CRYL1: variants seen among roughly 807,000 people sequenced by gnomAD.
CRYL1 encodes crystallin lambda 1, also known as lambda-crystallin homolog.
A neutral mutation model predicts 36.6 loss-of-function variants in CRYL1; 29 were observed. That is an observed-to-expected ratio of 0.79 (90% CI 0.59 to 1.08). The LOEUF (loss-of-function observed/expected upper bound fraction) is 1.08, where lower values mean the gene tolerates loss of function less well. Among genes scored for constraint, CRYL1 ranks in the 50% least tolerant of loss-of-function variants. CRYL1 has a pLI of 0.00. For synonymous variants in CRYL1, 152 were observed against 151.5 expected (o/e 1.00, Z -0.02); for missense variants, 411 against 407.9 (o/e 1.01, Z -0.06).
intron 3 of CRYL1, among the ~76,000 whole-genome samples, chr13:20,471,143 G>A (rs1442388185): frequency 3.9e-5 from 6 of 152,122 alleles, no homozygotes; most frequent in South Asian, 2.1e-4. Flanking sequence ...GTGTGTTAGC[G>A]TAAATTCACG....
intron 3 of CRYL1, among the ~76,000 whole-genome samples, chr13:20,467,415 G>A (rs895120676): frequency 4.0e-4 from 61 of 152,156 alleles, no homozygotes; most frequent in Non-Finnish European, 6.9e-4. Flanking sequence ...ACCTGTACTT[G>A]TGAATTTTTT....
chr13:20,421,579 A>C (rs146290593), intron 5 of CRYL1, among the ~76,000 whole-genome samples: 22 of 152,208 alleles, frequency 1.4e-4, no homozygotes, highest in Admixed American at 5.9e-4. Flanking sequence ...AGAGGGATGC[A>C]GTGTCATTTG....
intron 1 of CRYL1, among the ~76,000 whole-genome samples, chr13:20,524,831 A>G (rs551232880): frequency 6.6e-6 from 1 of 152,056 alleles, no homozygotes; most frequent in South Asian, 2.1e-4. Context: ...ACACCCTGAC[A>G]TTGGAAGTGG....
At chr13:20,419,711 C>T (rs191945666) in intron 5 of CRYL1, among the ~76,000 whole-genome samples, 2 of 152,276 alleles carry the variant, frequency 1.3e-5, no homozygotes, top group African/African-American at 2.4e-5. Context: ...CCACATCCGG[C>T]CTAGATTAAG....
intron 3 of CRYL1, among the ~76,000 whole-genome samples, chr13:20,472,654 G>A (rs941492284): frequency 8.5e-5 from 13 of 152,232 alleles, no homozygotes; most frequent in African/African-American, 3.1e-4. Context: ...AAAAAGATGG[G>A]ATTCTGATAG....
chr13:20,428,544 G>A (rs925753166), intron 5 of CRYL1, among the ~76,000 whole-genome samples: 5 of 152,282 alleles, frequency 3.3e-5, no homozygotes, highest in East Asian at 3.9e-4. Context: ...GGATTATTCC[G>A]AGTATGTGAG....
At chr13:20,512,304 C>T (rs1045206000) in intron 2 of CRYL1, 139 bp downstream of exon 2, 4 of 608,372 alleles carry the variant, frequency 6.6e-6, no homozygotes, top group Non-Finnish European at 1.2e-5. Flanking sequence ...TGGCCTTTAC[C>T]AACTCAGAGG....
intron 2 of CRYL1, among the ~76,000 whole-genome samples, chr13:20,511,251 G>T (rs73447912): frequency 0.022 from 3,311 of 151,892 alleles, 111 homozygotes; most frequent in African/African-American, 0.076. Context: ...CAACACATTG[G>T]CTATTTTTTT....
intron 2 of CRYL1, among the ~76,000 whole-genome samples, chr13:20,507,583 A>G (rs2033816159): frequency 6.6e-6 from 1 of 152,162 alleles, no homozygotes; most frequent in Admixed American, 6.5e-5. Context: ...CTCAGCTCCA[A>G]ACCTACCTGT....
intron 5 of CRYL1, chr13:20,430,124 C>A (rs1453251120): frequency 2.2e-6 from 2 of 890,832 alleles, no homozygotes; most frequent in African/African-American, 1.8e-5. Context: ...CCCACCCCTG[C>A]CAGGAGAGGA....
At chr13:20,464,275 T>A (rs373755792) in intron 3 of CRYL1, among the ~76,000 whole-genome samples, 21 of 152,114 alleles carry the variant, frequency 1.4e-4, no homozygotes, top group East Asian at 7.7e-4. Context: ...GTGCCTGTAG[T>A]CCCAGCTACT....
chr13:20,430,204 C>A, intron 5 of CRYL1: 1 of 984,762 alleles, frequency 1.0e-6, no homozygotes, highest in Non-Finnish European at 1.2e-6. Context: ...AACAAATTAT[C>A]TTCTAGACTT....
At chr13:20,471,877 T>C (rs1334775143) in intron 3 of CRYL1, among the ~76,000 whole-genome samples, 1 of 151,764 alleles carries the variant, frequency 6.6e-6, no homozygotes, top group African/African-American at 2.4e-5. Flanking sequence ...TTTTGAGACG[T>C]AGTCTCACTC....
intron 3 of CRYL1, among the ~76,000 whole-genome samples, chr13:20,459,175 G>A (rs558384304): frequency 6.9e-6 from 1 of 143,932 alleles, no homozygotes; most frequent in South Asian, 2.2e-4. Flanking sequence ...GGCGGAGCTT[G>A]CAGTAAGCCG....
chr13:20,404,022 A>G lies in CRYL1; in HGVS notation c.*107T>C, dbSNP rs1399821746. The G allele has an allele frequency of 1.3e-6, 1 of 757,290 alleles. No individual in the cohort carries two copies. Among genetic ancestry groups the G allele is most frequent in the African/African-American group, 1.7e-5 (1 of 57,708 alleles). The allele number at this position is 757,290 out of a possible 1,614,324, so 46.9% of individuals were successfully genotyped here. A position where few individuals can be genotyped will look rare whatever the true frequency, so the allele number is the denominator to read the frequency against. On this transcript the variant is annotated 3_prime_UTR_variant, in exon 8 of 8. Transcript: ENST00000298248. ...AGGCTGCACACAAGACAGCCAGCTTAGGATCTCCGTGGGCTGCTACCTATG... is the reference window on the plus strand; with the variant it reads ...AGGCTGCACACAAGACAGCCAGCTTGGGATCTCCGTGGGCTGCTACCTATG...
In CRYL1 at chr13:20,404,170, T is replaced by C; in HGVS notation, c.919A>G (p.Met307Val). ...TGACTCTTCAACTTGGCGAGTCTCA[T>C]GAGGCACTCGTCCCTCCACTGCCTC... ...ARRQWRDECL[M>V]RLAKLKSQVQ... Residue 307 changes from methionine to valine, a missense_variant, in exon 8 of 8, where the codon ATG becomes GTG. Transcript: ENST00000298248. 1 of 1,614,040 alleles carries C rather than the reference T, an allele frequency of 6.2e-7. No homozygotes were observed. Among genetic ancestry groups the C allele is most frequent in the African/African-American group, 1.3e-5 (1 of 75,022 alleles).
chr13:20,435,384 A>T lies in CRYL1; in HGVS notation c.439-3088T>A, dbSNP rs1334603005. ...ACTGGGCCCCACGCAGCCCCCCAAA[A>T]CAGACTTCCATTCACACCGACTTCC... On this transcript the variant is annotated intron_variant, in intron 4 of 7. Transcript: ENST00000298248. This position sits in a 1 kb window ranked among gnomAD's most constrained non-coding sequence, Gnocchi z 4.0. Among the ~76,000 whole-genome samples the T allele has an allele frequency of 6.6e-6, 1 of 151,952 alleles. No homozygotes were observed. Among genetic ancestry groups the T allele is most frequent in the Non-Finnish European group, 1.5e-5 (1 of 67,984 alleles).
At chr13:20,514,108 A>G (rs1362832465) in intron 1 of CRYL1, among the ~76,000 whole-genome samples, 1 of 152,178 alleles carries the variant, frequency 6.6e-6, no homozygotes, top group Admixed American at 6.5e-5. Context: ...AAAAATGCCA[A>G]ATAATTTATG....
intron 3 of CRYL1, among the ~76,000 whole-genome samples, chr13:20,465,358 T>C (rs777076713): frequency 3.3e-5 from 5 of 152,146 alleles, no homozygotes; most frequent in Non-Finnish European, 5.9e-5. Flanking sequence ...CTATGATCTC[T>C]GCACATCAGA....
Sources: allele counts gnomAD v4.1 joint callset (sites outside exome capture counted in the v4.1 genomes callset), GRCh38; gene constraint gnomAD v4.1.1; non-coding constraint Gnocchi (gnomAD v3.1); transcripts MANE v1.5; gene names NCBI Gene and HGNC (gene_info 2026-07-23, HGNC 2026-07-21).